Variants in FBN3 observed in about 807,000 individuals in gnomAD.
The protein encoded by FBN3 is fibrillin 3.
FBN3 carries 234 observed loss-of-function variants against 330.1 expected under a neutral mutation model. The ratio of observed to expected loss-of-function variants is 0.71; its 90% CI spans 0.64 to 0.79. The LOEUF is 0.79. FBN3 is among the 30% of genes least tolerant of loss of function. The pLI is 0.00. For synonymous variants in FBN3, 1,458 were observed against 1,517.3 expected (o/e 0.96, Z 0.91); for missense variants, 3,606 against 3,886.9 (o/e 0.93, Z 1.92).
At position 8,065,893 on chromosome 19, in the gene FBN3, C is replaced by A. The variant is rs1389800455; in HGVS notation, c.*26G>T. 1.3e-6 allele frequency: 2 copies of A among 1,519,470 alleles called. No homozygotes were observed. The highest frequency in any genetic ancestry group is 1.8e-6 in the Non-Finnish European group (2 of 1,123,194). The allele number at this position is 1,519,470 out of a possible 1,614,324, so 94.1% of individuals were successfully genotyped here. On this transcript the variant is annotated 3_prime_UTR_variant, in exon 64 of 64. Coordinates refer to ENST00000600128, the MANE Select transcript of FBN3 (RefSeq NM_032447.5). ...TCCAGAATCCCCCTTCTCTGGACAGCTGGGGCCCACTGAGGCTCCTCCCAA... is the reference window on the plus strand; with the variant it reads ...TCCAGAATCCCCCTTCTCTGGACAGATGGGGCCCACTGAGGCTCCTCCCAA...
intron 21 of FBN3, 35 bp downstream of exon 21, chr19:8,126,262 A>C: frequency 1.3e-6 from 2 of 1,575,546 alleles, no homozygotes; most frequent in African/African-American, 1.3e-5. Flanking sequence ...CGGGCTCTGG[A>C]GTAGGGGGTG....
At chr19:8,113,571 C>T (rs2082637005) in intron 30 of FBN3, among the ~76,000 whole-genome samples, 4 of 152,098 alleles carry the variant, frequency 2.6e-5, no homozygotes, top group Admixed American at 1.3e-4. Flanking sequence ...TGGTGGCATG[C>T]ACCTGTAGTC....
intron 40 of FBN3, 68 bp downstream of exon 40, chr19:8,102,656 A>G: frequency 6.7e-7 from 1 of 1,485,532 alleles, no homozygotes; most frequent in South Asian, 1.2e-5. Flanking sequence ...CCCTAAGGGC[A>G]CTGTGTTTCC....
chr19:8,068,264 G>A (rs1383927678), intron 63 of FBN3, among the ~76,000 whole-genome samples: 1 of 151,496 alleles, frequency 6.6e-6, no homozygotes, highest in Non-Finnish European at 1.5e-5. Flanking sequence ...AGTGTCAGGT[G>A]CCTGTAGTCC....
intron 51 of FBN3, among the ~76,000 whole-genome samples, chr19:8,089,127 G>A (rs905021643): frequency 2.0e-5 from 3 of 152,130 alleles, no homozygotes; most frequent in Admixed American, 2.0e-4. Context: ...GTGAATGAAT[G>A]AGGGAGTTAG....
In FBN3 at chr19:8,147,502, G is replaced by A. The variant is rs180754601; in HGVS notation, c.-17-5C>T. On this transcript the variant is annotated splice_polypyrimidine_tract_variant and splice_region_variant and intron_variant, in intron 1 of 63. Transcript: ENST00000600128. ...TCATGGCGTGTCCCCTGGAGGCTGC[G>A]GAGAGGAAGCAGAGTCAGCCCTAGA... The A allele has an allele frequency of 6.5e-4, 944 of 1,443,748 alleles. 3 individuals carry two copies. The African/African-American group carries it at 9.2e-3, about 14-fold the overall frequency. 89.4% of individuals were successfully genotyped at this position (1,443,748 alleles called of 1,614,324 possible). A position where few individuals can be genotyped will look rare whatever the true frequency, so the allele number is the denominator to read the frequency against.
rs769711401 is a variant in FBN3 at position 8,111,111 on chromosome 19, C to T, written c.4157G>A (p.Arg1386His). ...GQCLNAPGGY[R>H]CECEMGFDPT... ...GTCAAAGCCCATCTCACATTCACAG[C>T]GGTACCCGCCGGGCGCATTGAGGCA... The change falls in exon 33 of 64, where the codon CGC becomes CAC. Residue 1386 changes from arginine (R) to histidine (H), a missense_variant. By Grantham distance (29) the Arg-to-His change is conservative (BLOSUM62 0). Transcript: ENST00000600128. 1.2e-5 allele frequency: 19 copies of T among 1,613,370 alleles called. No homozygotes were observed. The highest frequency in any genetic ancestry group is 1.4e-5 in the Non-Finnish European group (16 of 1,179,654).
chr19:8,120,800 T>C (rs2082829010), intron 25 of FBN3, among the ~76,000 whole-genome samples: 1 of 152,242 alleles, frequency 6.6e-6, no homozygotes, highest in South Asian at 2.1e-4. Flanking sequence ...CCTCAGCGAT[T>C]CATGTTATTC....
chr19:8,115,107 G>A (rs35427227), intron 30 of FBN3, among the ~76,000 whole-genome samples: 53,775 of 151,886 alleles, frequency 0.35, 10,311 homozygotes, highest in Middle Eastern at 0.47. Context: ...TGCCCGCCTC[G>A]GCCTCCCAAA....
intron 49 of FBN3, 54 bp from the exon 50 acceptor site, chr19:8,090,013 G>C: frequency 6.3e-7 from 1 of 1,599,828 alleles, no homozygotes; most frequent in Non-Finnish European, 8.5e-7. Context: ...CAGCCCCCAG[G>C]TGTGTGCAGG....
chr19:8,125,956 A>G lies in FBN3; in HGVS notation c.2667T>C (p.Ala889=). The change falls in exon 22 of 64, where the codon GCT becomes GCC. Residue 889 remains alanine (A), a synonymous_variant. Coordinates refer to ENST00000600128, the MANE Select transcript of FBN3 (RefSeq NM_032447.5). ...VCPNGRCVNT[A]GSFRCECPEG... is the part of the protein sequence containing the mutation. ...CTGGACACTCACAGCGGAAAGACCC[A>G]GCAGTGTTGACGCAACGCCCGTTGG... 2 of 1,613,952 alleles carry G rather than the reference A, an allele frequency of 1.2e-6. No homozygotes were observed. The highest frequency in any genetic ancestry group is 3.3e-4 in the Middle Eastern group (2 of 6,060).
chr19:8,109,744 T>A lies in FBN3; in HGVS notation c.4343A>T (p.Glu1448Val), dbSNP rs2082534374. The change falls in exon 35 of 64, where the codon GAG becomes GTG. Residue 1448 changes from glutamate (E) to valine (V), a missense_variant. Transcript: ENST00000600128. The surrounding 1 kb of genome is among the most constrained non-coding windows in gnomAD (Gnocchi z 5.2). Reference sequence around the variant, plus strand: ...GATGCAGTTTACTGGGTCTGCACACTCGTTGATGTCTGTAGGGAGGAAGCG... The same window carrying A: ...GATGCAGTTTACTGGGTCTGCACACACGTTGATGTCTGTAGGGAGGAAGCG... ...RGGGNCTDIN[E>V]CADPVNCING... 1 of 1,515,238 alleles carries A rather than the reference T, an allele frequency of 6.6e-7. No homozygotes were observed. Among genetic ancestry groups the A allele is most frequent in the Non-Finnish European group, 8.8e-7 (1 of 1,131,558 alleles). 93.9% of individuals were successfully genotyped at this position (1,515,238 alleles called of 1,614,324 possible). A position where few individuals can be genotyped will look rare whatever the true frequency, so the allele number is the denominator to read the frequency against.
rs746542118 is a variant in FBN3 at position 8,066,114 on chromosome 19, G to A, written c.8235C>T (p.Asn2745=). The change falls in exon 64 of 64, where the codon AAC becomes AAT. Residue 2745 remains asparagine, a synonymous_variant. Coordinates refer to ENST00000600128, the MANE Select transcript of FBN3 (RefSeq NM_032447.5). ...GRIRYVIVRG[N]EQGFFRMHHL... ...GATGCATGCGAAAGAAACCTTGCTC[G>A]TTTCCGCGGACGATGACGTAGCGGA... is the stretch of plus-strand genomic sequence containing the variant. The A allele has an allele frequency of 8.7e-6, 14 of 1,613,556 alleles. No individual in the cohort carries two copies. Among genetic ancestry groups the A allele is most frequent in the East Asian group, 4.5e-5 (2 of 44,884 alleles).
chr19:8,148,707 C>T (rs1208455932), intron 1 of FBN3: 1 of 152,272 alleles, frequency 6.6e-6, no homozygotes, highest in African/African-American at 2.4e-5. Flanking sequence ...GGCGGGGAGC[C>T]CTGCTGTGTG....
chr19:8,075,093 G>A lies in FBN3; in HGVS notation c.7680C>T (p.His2560=), dbSNP rs61729621. 0.042 allele frequency: 66,971 copies of A among 1,600,202 alleles called. 1,664 individuals are homozygous for A. Among genetic ancestry groups the A allele is most frequent in the Middle Eastern group, 0.082 (479 of 5,846 alleles). The change falls in exon 61 of 64, where the codon CAC becomes CAT. Residue 2560 remains histidine, a synonymous_variant. Coordinates refer to ENST00000600128, the MANE Select transcript of FBN3 (RefSeq NM_032447.5). ...RCSCPQGFTQ[H]SQWAQCVDEN... is the part of the protein sequence containing the mutation. The stretch of plus-strand genomic sequence containing the variant: ...CACCCACACACTGGGCCCACTGGGA[G>A]TGCTGGGTGAAACCCTGGGGGCAGC...
Position 8,145,891 on chromosome 19 carries a change from C to G in FBN3, c.397G>C (p.Ala133Pro). Residue 133 changes from alanine (A) to proline (P), a missense_variant, in exon 5 of 64, where the codon GCG becomes CCG. Ala to Pro is a conservative substitution (Grantham distance 27). Transcript: ENST00000600128. ...SCMNGGTCRG[A>P]SCLCQKGYTG... ...TAGCCCTTCTGACACAGACAGGACG[C>G]CCCCCGGCAGGTGCCCCCATTCATA... 5 of 1,551,172 alleles carry G rather than the reference C, an allele frequency of 3.2e-6. No individual in the cohort carries two copies. Among genetic ancestry groups the G allele is most frequent in the Non-Finnish European group, 4.4e-6 (5 of 1,146,932 alleles).
At chr19:8,108,766 C>G (rs1280478071) in intron 36 of FBN3, among the ~76,000 whole-genome samples, 1 of 152,100 alleles carries the variant, frequency 6.6e-6, no homozygotes, top group African/African-American at 2.4e-5. Flanking sequence ...AAGCCTCCTC[C>G]CCTGGAAAGC....
rs1356764257 is a variant in FBN3 at position 8,131,422 on chromosome 19, G to C, written c.1990+132C>G. 27 of 1,450,004 alleles carry C rather than the reference G, an allele frequency of 1.9e-5. No homozygotes were observed. The Admixed American group carries it at 4.9e-4, about 26-fold the overall frequency. 89.8% of individuals were successfully genotyped at this position (1,450,004 alleles called of 1,614,324 possible). On this transcript the variant is annotated intron_variant, in intron 15 of 63. Coordinates refer to ENST00000600128, the MANE Select transcript of FBN3 (RefSeq NM_032447.5). This position sits in a 1 kb window ranked among gnomAD's most constrained non-coding sequence, Gnocchi z 4.5. ...AGACACAACTCCAACCCCGGGGAGG[G>C]AGCAACTCCCTTCAGCCTCTTTTTG...
Position 8,095,411 on chromosome 19 carries a change from C to G in FBN3, c.5749G>C (p.Gly1917Arg). The G allele has an allele frequency of 7.4e-6, 12 of 1,613,626 alleles. No individual in the cohort carries two copies. The highest frequency in any genetic ancestry group is 1.0e-5 in the Non-Finnish European group (12 of 1,179,704). Residue 1917 changes from glycine to arginine, a missense_variant, in exon 46 of 64, where the codon GGC becomes CGC. Gly to Arg is a moderately radical substitution (Grantham distance 125). Transcript: ENST00000600128. ...TTCCCATCAGCTGTGAGCTCAAAGC[C>G]ATCCTGGCAGAGGCAGTGGAAGGAA... Reference protein sequence around the residue: ...AGSFHCLCQDGFELTADGKNC... With the variant: ...AGSFHCLCQDRFELTADGKNC...
Sources: gnomAD v4.1 joint callset for allele counts (sites outside exome capture counted in the v4.1 genomes callset) on GRCh38, gnomAD v4.1.1 for gene constraint, Gnocchi (gnomAD v3.1) non-coding constraint, MANE v1.5 for transcripts, NCBI Gene and HGNC (gene_info 2026-07-23, HGNC 2026-07-21) for gene names.